Variants in SHMT1 observed in about 807,000 individuals in gnomAD.
SHMT1 encodes serine hydroxymethyltransferase 1, also known as serine hydroxymethyltransferase, cytosolic.
SHMT1 carries 45 observed loss-of-function variants against 49.0 expected under a neutral mutation model. That is an observed-to-expected ratio of 0.92 (90% confidence interval 0.72 to 1.18). The LOEUF (loss-of-function observed/expected upper bound fraction) is 1.18, where lower values mean the gene tolerates loss of function less well. SHMT1 is among the 50% of genes most tolerant of loss of function. SHMT1 has a pLI of 0.00. For synonymous variants in SHMT1, 232 were observed against 246.6 expected (o/e 0.94, Z 0.55); for missense variants, 541 against 612.4 (o/e 0.88, Z 1.23).
At chr17:18,342,201 C>T (rs1411406852) in intron 5 of SHMT1, among the ~76,000 whole-genome samples, 1 of 152,110 alleles carries the variant, frequency 6.6e-6, no homozygotes, top group Non-Finnish European at 1.5e-5. Context: ...TATATATAAA[C>T]AATGTAATAA....
At chr17:18,354,402 A>G (rs1370999718) in intron 2 of SHMT1, among the ~76,000 whole-genome samples, 1 of 152,034 alleles carries the variant, frequency 6.6e-6, no homozygotes, top group Admixed American at 6.6e-5. Context: ...CTGGGCGACA[A>G]GAACAAAACT....
Position 18,349,427 on chromosome 17 carries a change from A to T in SHMT1, c.243-987T>A, listed in dbSNP as rs894177768. On this transcript the variant is annotated intron_variant, in intron 3 of 11. Coordinates refer to ENST00000316694, the MANE Select transcript of SHMT1 (RefSeq NM_004169.5). ...CCAGCAAGACTCAGTCTCAAAAAAA[A>T]ATTTAAAGTAACTACATGCAGTGGC... 5.9e-5 allele frequency among the ~76,000 whole-genome samples: 9 copies of T among 152,162 alleles called. No homozygotes were observed. The South Asian group carries it at 1.9e-3, about 32-fold the overall frequency.
At chr17:18,331,025 T>C (rs1983152307) in intron 9 of SHMT1, 1 of 368,044 alleles carries the variant, frequency 2.7e-6, no homozygotes, top group South Asian at 2.1e-5. Context: ...GCATGAATAT[T>C]GGGCAGCAGT....
At chr17:18,337,508 C>A (rs911797162) in intron 7 of SHMT1, among the ~76,000 whole-genome samples, 3 of 152,092 alleles carry the variant, frequency 2.0e-5, no homozygotes, top group Non-Finnish European at 4.4e-5. Context: ...GGCAAGAAGA[C>A]CCTGCCTCGG....
At chr17:18,356,427 C>A (rs1389768691) in intron 1 of SHMT1, among the ~76,000 whole-genome samples, 1 of 152,200 alleles carries the variant, frequency 6.6e-6, no homozygotes, top group Non-Finnish European at 1.5e-5. Context: ...CCTCCGCCTC[C>A]TGGGTTCAAG....
rs35005892 is a variant in SHMT1 at position 18,343,919 on chromosome 17, TAAA to T, written c.520-3109_520-3107del. Among the ~76,000 whole-genome samples the T allele has an allele frequency of 3.7e-5, 4 of 106,892 alleles. No individual in the cohort carries two copies. The East Asian group carries it at 7.8e-4, about 21-fold the overall frequency. 70.1% of individuals were successfully genotyped at this position (106,892 alleles called of 152,430 possible). A position where few individuals can be genotyped will look rare whatever the true frequency, so the allele number is the denominator to read the frequency against. ...TGGGAGGCAGAGCCAGATACTGTCT[TAAA>T]AAAAAAAAAAAAAAAAAAGTCATGG... is the stretch of plus-strand genomic sequence containing the variant. On this transcript the variant is annotated intron_variant, in intron 5 of 11. Transcript: ENST00000316694.
intron 2 of SHMT1, among the ~76,000 whole-genome samples, chr17:18,354,344 G>A (rs537783208): frequency 1.6e-3 from 245 of 152,310 alleles, no homozygotes; most frequent in African/African-American, 5.7e-3. Flanking sequence ...ACTTGAACCC[G>A]GGAGGCGGAG....
At chr17:18,343,281 T>C (rs1984717238) in intron 5 of SHMT1, among the ~76,000 whole-genome samples, 2 of 151,822 alleles carry the variant, frequency 1.3e-5, no homozygotes, top group Admixed American at 1.3e-4. Flanking sequence ...TGGCAACACA[T>C]CTCTTAGGAA....
intron 2 of SHMT1, among the ~76,000 whole-genome samples, chr17:18,355,496 C>T (rs1246161005): frequency 3.3e-5 from 5 of 151,858 alleles, no homozygotes; most frequent in Non-Finnish European, 7.4e-5. Context: ...GCCAAGATCA[C>T]GCCATTGCAC....
At chr17:18,351,123 T>C (rs547854968) in intron 3 of SHMT1, among the ~76,000 whole-genome samples, 22 of 151,946 alleles carry the variant, frequency 1.4e-4, no homozygotes, top group Non-Finnish European at 2.4e-4. Flanking sequence ...TGAAAACATG[T>C]AATAATTACC....
Position 18,333,202 on chromosome 17 carries a change from C to G in SHMT1, c.1018G>C (p.Glu340Gln), listed in dbSNP as rs7215148. The G allele has an allele frequency of 5.7e-4, 912 of 1,614,108 alleles. 8 individuals carry two copies. The African/African-American group carries it at 0.011, about 20-fold the overall frequency. ...QVVANCRALS[E>Q]ALTELGYKIV... ...TTGTAGCCCAGCTCCGTCAGGGCCTCAGACAGAGCCCTGCAGTTGGCCACC... is the reference window on the plus strand; with the variant it reads ...TTGTAGCCCAGCTCCGTCAGGGCCTGAGACAGAGCCCTGCAGTTGGCCACC... Residue 340 changes from glutamate (E) to glutamine (Q), a missense_variant, in exon 9 of 12, where the codon GAG becomes CAG. Physicochemically the swap from Glu to Gln is conservative, Grantham distance 29 (BLOSUM62 2). Coordinates refer to ENST00000316694, the MANE Select transcript of SHMT1 (RefSeq NM_004169.5).
chr17:18,347,589 G>C lies in SHMT1; in HGVS notation c.426C>G (p.Asp142Glu). ...VEPHGRIMGLDLPDGGHLTHG... is the reference protein window; with the variant it reads ...VEPHGRIMGLELPDGGHLTHG... Reference sequence around the variant, plus strand: ...GGGTCAGGTGGCCCCCATCCGGAAGGTCCAGGCCCATGATGCGCCCATGGG... The same window carrying C: ...GGGTCAGGTGGCCCCCATCCGGAAGCTCCAGGCCCATGATGCGCCCATGGG... The change falls in exon 5 of 12, where the codon GAC becomes GAG. Residue 142 changes from aspartate to glutamate, a missense_variant. Physicochemically the swap from Asp to Glu is conservative, Grantham distance 45. Coordinates refer to ENST00000316694, the MANE Select transcript of SHMT1 (RefSeq NM_004169.5). 6.2e-7 allele frequency: 1 copy of C among 1,614,164 alleles called. No individual in the cohort carries two copies. Among genetic ancestry groups the C allele is most frequent in the Non-Finnish European group, 8.5e-7 (1 of 1,180,032 alleles).
chr17:18,348,780 G>C, intron 3 of SHMT1: 1 of 516,984 alleles, frequency 1.9e-6, no homozygotes, highest in East Asian at 5.4e-5. Flanking sequence ...TTCGAGACCA[G>C]CCTGGGCAAT....
intron 3 of SHMT1, chr17:18,348,648 G>A (rs1443991235): frequency 2.9e-6 from 2 of 684,998 alleles, no homozygotes; most frequent in Non-Finnish European, 5.4e-6. Flanking sequence ...CAAACCAGCT[G>A]TGCAACTTGG....
chr17:18,350,988 C>G (rs1985632436), intron 3 of SHMT1, among the ~76,000 whole-genome samples: 1 of 152,074 alleles, frequency 6.6e-6, no homozygotes, highest in African/African-American at 2.4e-5. Flanking sequence ...CTGCCTCAGC[C>G]TCCCGAAGTG....
chr17:18,335,441 GCA>G, intron 8 of SHMT1, 116 bp downstream of exon 8: 1 of 755,576 alleles, frequency 1.3e-6, no homozygotes, highest in Non-Finnish European at 2.4e-6. Flanking sequence ...AGCATCTCCT[GCA>G]CAGAGACAGC....
chr17:18,345,960 G>A (rs1219820266), intron 5 of SHMT1, among the ~76,000 whole-genome samples: 1 of 152,092 alleles, frequency 6.6e-6, no homozygotes, highest in East Asian at 1.9e-4. Context: ...GTGATTACAG[G>A]TGTGAGCCAC....
In SHMT1 at chr17:18,340,581, AAGAAACTAATATATGTAGACCCC is replaced by A; in HGVS notation, c.601+128_601+150del. On this transcript the variant is annotated intron_variant, in intron 6 of 11. Transcript: ENST00000316694. The surrounding 1 kb of genome is among the most constrained non-coding windows in gnomAD (Gnocchi z 4.5). ...CAGCAAACACACATCTGTATCCTGA[AAGAAACTAATATATGTAGACCCC>A]AGAAACTCAGTTATCCAGGGCAGAA... The A allele has an allele frequency of 1.3e-6, 1 of 742,558 alleles. No homozygotes were observed. The highest frequency in any genetic ancestry group is 1.5e-5 in the South Asian group (1 of 67,520). 46.0% of individuals were successfully genotyped at this position (742,558 alleles called of 1,614,324 possible).
intron 5 of SHMT1, among the ~76,000 whole-genome samples, chr17:18,342,365 G>A (rs909487265): frequency 1.3e-5 from 2 of 152,100 alleles, no homozygotes; most frequent in Middle Eastern, 3.4e-3. Flanking sequence ...CACCCAGGCT[G>A]GAGTGCGGTG....
Sources: gnomAD v4.1 joint callset for allele counts (sites outside exome capture counted in the v4.1 genomes callset) on GRCh38, gnomAD v4.1.1 for gene constraint, Gnocchi (gnomAD v3.1) non-coding constraint, MANE v1.5 for transcripts, NCBI Gene and HGNC (gene_info 2026-07-23, HGNC 2026-07-21) for gene names.